TBCE: variants seen among roughly 807,000 people sequenced by gnomAD.
TBCE encodes tubulin-specific chaperone E.
Under a neutral mutation model 77.0 loss-of-function variants are expected in TBCE, and 53 were observed. That is an observed-to-expected ratio of 0.69 (90% CI 0.55 to 0.87). TBCE has a LOEUF of 0.87. Among genes scored for constraint, TBCE ranks in the 40% least tolerant of loss-of-function variants. TBCE has a pLI of 0.00. For synonymous variants in TBCE, 235 were observed against 241.3 expected (o/e 0.97, Z 0.24); for missense variants, 624 against 622.4 (o/e 1.00, Z -0.03).
At chr1:235,448,521 A>C in intron 16 of TBCE, 81 bp downstream of exon 16, 1 of 1,456,792 alleles carries the variant, frequency 6.9e-7, no homozygotes, top group Non-Finnish European at 9.6e-7. Context: ...AGATAGCAAC[A>C]GTTTGATTCT....
intron 2 of TBCE, 108 bp from the exon 3 acceptor site, chr1:235,401,395 G>GT: frequency 1.1e-6 from 1 of 876,958 alleles, no homozygotes; most frequent in Non-Finnish European, 1.9e-6. Flanking sequence ...TCCCCAAGTG[G>GT]TATCTGTGTG....
In TBCE at chr1:235,448,966, T is replaced by TAATG. The variant is rs1054064310; in HGVS notation, c.*206_*209dup. ...GCAATAATAAAGGCTTTGAACCTAC[T>TAATG]AATGATTTTCTGATCTTATTTCATA... On this transcript the variant is annotated 3_prime_UTR_variant, in exon 17 of 17. Transcript: ENST00000642610. 1.6e-5 allele frequency: 8 copies of TAATG among 500,722 alleles called. No individual in the cohort carries two copies. Among genetic ancestry groups the TAATG allele is most frequent in the African/African-American group, 1.6e-4 (8 of 51,592 alleles). 31.0% of individuals were successfully genotyped at this position (500,722 alleles called of 1,614,324 possible). A position where few individuals can be genotyped will look rare whatever the true frequency, so the allele number is the denominator to read the frequency against.
intron 8 of TBCE, among the ~76,000 whole-genome samples, chr1:235,434,493 G>C (rs1041753457): frequency 7.2e-5 from 11 of 151,944 alleles, no homozygotes; most frequent in Non-Finnish European, 1.5e-4. Context: ...GTGAAGACAT[G>C]AGTTATATTA....
At chr1:235,381,969 C>T (rs1365896887) in intron 2 of TBCE, among the ~76,000 whole-genome samples, 1 of 98,724 alleles carries the variant, frequency 1.0e-5, no homozygotes, top group Non-Finnish European at 1.9e-5. Flanking sequence ...CCCCCCTCCC[C>T]CCACCCCACA....
intron 1 of TBCE, 40 bp from the exon 2 acceptor site, chr1:235,379,978 AT>A: frequency 7.7e-7 from 1 of 1,290,972 alleles, no homozygotes; most frequent in African/African-American, 1.5e-5. Flanking sequence ...CTTTAAAGGA[AT>A]TGTATTAAGT....
At chr1:235,445,446 T>C (rs757507956) in intron 15 of TBCE, among the ~76,000 whole-genome samples, 2 of 152,124 alleles carry the variant, frequency 1.3e-5, no homozygotes, top group Non-Finnish European at 2.9e-5. Context: ...CTGAGCAACA[T>C]GGTGAAACCC....
chr1:235,437,248 G>C lies in TBCE; in HGVS notation c.964-74G>C, dbSNP rs1013032915. On this transcript the variant is annotated intron_variant, in intron 11 of 16. Transcript: ENST00000642610. ...ATTAGAACTAGGGACATGCTTTCCT[G>C]TTGCTGGTTCAAACTTCTGCAAAAG... is the stretch of plus-strand genomic sequence containing the variant. 4.7e-5 allele frequency: 75 copies of C among 1,592,710 alleles called. No homozygotes were observed. In the Admixed American group the frequency reaches 5.2e-4, roughly 11 times the overall value.
chr1:235,387,580 C>T (rs555445243), intron 2 of TBCE, among the ~76,000 whole-genome samples: 22 of 152,164 alleles, frequency 1.4e-4, no homozygotes, highest in Non-Finnish European at 2.2e-4. Context: ...AGTGAGACTC[C>T]GTAGGTGTAG....
intron 6 of TBCE, among the ~76,000 whole-genome samples, chr1:235,428,545 T>C (rs1303519238): frequency 1.3e-5 from 2 of 152,178 alleles, no homozygotes; most frequent in Admixed American, 6.5e-5. Context: ...GCTGCTTCGC[T>C]AGTAGACATT....
chr1:235,435,957 A>C, intron 9 of TBCE, 117 bp downstream of exon 9: 3 of 950,466 alleles, frequency 3.2e-6, no homozygotes, highest in Non-Finnish European at 5.0e-6. Flanking sequence ...GGAATTTCTA[A>C]ATTGAGTAAT....
At chr1:235,414,895 A>T in intron 4 of TBCE, 1 of 400,834 alleles carries the variant, frequency 2.5e-6, no homozygotes, top group Non-Finnish European at 4.7e-6. Flanking sequence ...TTGACTAAGT[A>T]ACCAAGGCTG....
rs565331779 is a variant in TBCE, at chr1:235,388,662, T to C, written c.100+8513T>C. ...ATGTTGCCAAATTGTTGTCTGCAAG[T>C]CAGTCAATGTCCGGTACTTGGAAAT... On this transcript the variant is annotated intron_variant, in intron 2 of 16. Coordinates refer to ENST00000642610, the MANE Select transcript of TBCE (RefSeq NM_003193.5). Among the ~76,000 whole-genome samples the C allele has an allele frequency of 2.6e-5, 4 of 152,348 alleles. No homozygotes were observed. In the South Asian group the frequency reaches 8.3e-4, roughly 32 times the overall value.
chr1:235,436,080 T>A (rs553246572), intron 9 of TBCE: 68 of 604,082 alleles, frequency 1.1e-4, no homozygotes, highest in African/African-American at 1.0e-3. Flanking sequence ...TTGACCCTGG[T>A]GATAATGCGG....
intron 1 of TBCE, among the ~76,000 whole-genome samples, chr1:235,371,038 C>CTTTT (rs71174417): frequency 0.03 from 693 of 23,310 alleles, 284 homozygotes; most frequent in East Asian, 0.099. Flanking sequence ...TCACGCCTGG[C>CTTTT]TTTTTTTTTT....
chr1:235,434,691 C>T (rs572528547), intron 8 of TBCE, among the ~76,000 whole-genome samples: 1 of 152,104 alleles, frequency 6.6e-6, no homozygotes, highest in Non-Finnish European at 1.5e-5. Flanking sequence ...TGCCTGCCAC[C>T]ATGCCCGGCT....
At chr1:235,397,177 G>A (rs1390727809) in intron 2 of TBCE, among the ~76,000 whole-genome samples, 1 of 148,706 alleles carries the variant, frequency 6.7e-6, no homozygotes, top group Non-Finnish European at 1.5e-5. Context: ...GTTTCACCAC[G>A]TTGGCCAGGA....
rs755726799 is a variant in TBCE at position 235,414,471 on chromosome 1, TA to T, written c.227del (p.Asn76IlefsTer16). ...GGATCCTTTATTCGTCCGAACAAGG[TA>T]AATTTTGGAACAGACTTTCTTACTG... ...TGGSFIRPNK[V>X]NFGTDFLTAI... is the part of the protein sequence containing the mutation. On this transcript the variant is annotated frameshift_variant, in exon 4 of 17. Transcript: ENST00000642610. LOFTEE classifies it high-confidence loss of function. 1 of 1,613,818 alleles carries T rather than the reference TA, an allele frequency of 6.2e-7. No homozygotes were observed. Among genetic ancestry groups the T allele is most frequent in the Non-Finnish European group, 8.5e-7 (1 of 1,179,976 alleles).
At chr1:235,441,582 T>C (rs1681880435) in intron 13 of TBCE, 2 of 553,952 alleles carry the variant, frequency 3.6e-6, no homozygotes, top group East Asian at 6.2e-5. Context: ...TCATTAACAA[T>C]GAGCTAGATA....
intron 4 of TBCE, among the ~76,000 whole-genome samples, chr1:235,416,371 C>G (rs1680115821): frequency 6.6e-6 from 1 of 151,286 alleles, no homozygotes; most frequent in South Asian, 2.1e-4. Context: ...TAAATAAATG[C>G]AAAAATTAGC....
Sources: gnomAD v4.1 joint callset for allele counts (sites outside exome capture counted in the v4.1 genomes callset) on GRCh38, gnomAD v4.1.1 for gene constraint, MANE v1.5 for transcripts, NCBI Gene and HGNC (gene_info 2026-07-23, HGNC 2026-07-21) for gene names.